Variants in QKI observed in about 807,000 individuals in gnomAD.
The protein encoded by QKI is QKI, KH domain containing RNA binding.
In QKI, 10 loss-of-function variants were observed where a neutral mutation model predicts 39.0. The ratio of observed to expected loss-of-function variants is 0.26; its 90% CI spans 0.16 to 0.43. The LOEUF (loss-of-function observed/expected upper bound fraction) is 0.43, where lower values mean the gene tolerates loss of function less well. Among genes scored for constraint, QKI ranks in the 20% least tolerant of loss-of-function variants. The pLI is 1.00. For synonymous variants in QKI, 204 were observed against 155.4 expected (o/e 1.31, Z -2.33); for missense variants, 218 against 428.0 (o/e 0.51, Z 4.33).
At chr6:163,530,758 A>G (rs1275837775) in intron 3 of QKI, among the ~76,000 whole-genome samples, 1 of 152,058 alleles carries the variant, frequency 6.6e-6, no homozygotes, top group Non-Finnish European at 1.5e-5. Context: ...CCCCCTCCAA[A>G]ACACTAAAAG....
intron 1 of QKI, among the ~76,000 whole-genome samples, chr6:163,442,372 G>T (rs1222383265): frequency 6.6e-6 from 1 of 152,128 alleles, no homozygotes; most frequent in Non-Finnish European, 1.5e-5. Flanking sequence ...CATGAACAGG[G>T]ATCTCTTTGG....
At chr6:163,467,050 AAAAAT>A (rs1353739943) in intron 2 of QKI, among the ~76,000 whole-genome samples, 2 of 152,154 alleles carry the variant, frequency 1.3e-5, no homozygotes, top group African/African-American at 4.8e-5. Flanking sequence ...AAAAAAAAAA[AAAAAT>A]GACATCACCC....
At chr6:163,478,449 A>T (rs753701746) in intron 2 of QKI, among the ~76,000 whole-genome samples, 10 of 152,222 alleles carry the variant, frequency 6.6e-5, no homozygotes, top group Non-Finnish European at 1.3e-4. Context: ...AGGGACTTGT[A>T]TTCTTGGCTG....
chr6:163,528,446 T>C (rs1014561640), intron 3 of QKI, among the ~76,000 whole-genome samples: 1 of 152,144 alleles, frequency 6.6e-6, no homozygotes, highest in African/African-American at 2.4e-5. Flanking sequence ...TGGCTAGGTA[T>C]GGTAGCTTGG....
At chr6:163,456,462 G>A (rs1402019430) in intron 2 of QKI, among the ~76,000 whole-genome samples, 2 of 151,998 alleles carry the variant, frequency 1.3e-5, no homozygotes, top group African/African-American at 4.8e-5. Context: ...AGTTTCAGAG[G>A]ACTTTTATGA....
chr6:163,456,080 G>A (rs1790886847), intron 2 of QKI, among the ~76,000 whole-genome samples: 1 of 152,104 alleles, frequency 6.6e-6, no homozygotes, highest in Non-Finnish European at 1.5e-5. Flanking sequence ...TTTAGAATAA[G>A]TCAAGTCTAT....
intron 2 of QKI, among the ~76,000 whole-genome samples, chr6:163,461,849 G>T (rs1791377169): frequency 1.3e-5 from 2 of 152,186 alleles, no homozygotes; most frequent in South Asian, 4.1e-4. Flanking sequence ...TGTCACACAT[G>T]AAATGGGCTA....
intron 3 of QKI, among the ~76,000 whole-genome samples, chr6:163,505,900 C>T (rs1779064603): frequency 6.6e-6 from 1 of 152,062 alleles, no homozygotes. Context: ...TCTGTGTCTC[C>T]ACCCAAATCT....
chr6:163,474,318 C>T (rs1461867702), intron 2 of QKI, among the ~76,000 whole-genome samples: 1 of 151,786 alleles, frequency 6.6e-6, no homozygotes, highest in Non-Finnish European at 1.5e-5. Flanking sequence ...CTGACCAGTA[C>T]TGTAAGGATA....
At chr6:163,540,366 C>T (rs1781437658) in intron 4 of QKI, among the ~76,000 whole-genome samples, 3 of 152,060 alleles carry the variant, frequency 2.0e-5, no homozygotes, top group African/African-American at 4.8e-5. Flanking sequence ...ATTGTACTTC[C>T]TTCTCTTTGT....
intron 3 of QKI, among the ~76,000 whole-genome samples, chr6:163,489,754 ATT>A (rs1777935459): frequency 1.3e-5 from 2 of 152,120 alleles, no homozygotes. Context: ...AATAGGAATT[ATT>A]TCATTTTATT....
intron 3 of QKI, among the ~76,000 whole-genome samples, chr6:163,479,356 C>A (rs1049033553): frequency 6.6e-6 from 1 of 152,104 alleles, no homozygotes; most frequent in Admixed American, 6.6e-5. Flanking sequence ...CATGATTTTC[C>A]CTTGTTTTTC....
intron 2 of QKI, among the ~76,000 whole-genome samples, chr6:163,458,526 T>C (rs1357828421): frequency 6.6e-6 from 1 of 152,232 alleles, no homozygotes; most frequent in Non-Finnish European, 1.5e-5. Context: ...AAACTTTTCT[T>C]TTTCTTTAAA....
At chr6:163,547,046 TC>T (rs1781927184) in intron 4 of QKI, among the ~76,000 whole-genome samples, 1 of 152,156 alleles carries the variant, frequency 6.6e-6, no homozygotes, top group Non-Finnish European at 1.5e-5. Flanking sequence ...TTAGTAACCT[TC>T]TTTGTAGAAT....
At chr6:163,502,543 CT>C (rs1778838731) in intron 3 of QKI, among the ~76,000 whole-genome samples, 1 of 152,116 alleles carries the variant, frequency 6.6e-6, no homozygotes, top group African/African-American at 2.4e-5. Flanking sequence ...GTTTATCCCC[CT>C]GCCCCCCACC....
At chr6:163,518,192 T>G (rs1256152845) in intron 3 of QKI, among the ~76,000 whole-genome samples, 2 of 152,206 alleles carry the variant, frequency 1.3e-5, no homozygotes, top group Non-Finnish European at 2.9e-5. Context: ...TAGGGAAATC[T>G]TGTTTTTCAG....
chr6:163,465,626 C>CAAAAAAAAAAAAAAAA (rs35130458), intron 2 of QKI, among the ~76,000 whole-genome samples: 1 of 95,770 alleles, frequency 1.0e-5, no homozygotes, highest in Non-Finnish European at 2.3e-5. Context: ...AAGACTGTCT[C>CAAAAAAAAAAAAAAAA]AAAAAAAAAA....
chr6:163,538,579 C>A (rs1448062043), intron 4 of QKI, among the ~76,000 whole-genome samples: 2 of 151,918 alleles, frequency 1.3e-5, no homozygotes, highest in African/African-American at 4.8e-5. Context: ...GGTTTTAGTC[C>A]GAGATGAGAA....
chr6:163,549,638 G>T (rs1279314231), intron 4 of QKI, among the ~76,000 whole-genome samples: 1 of 152,196 alleles, frequency 6.6e-6, no homozygotes, highest in Admixed American at 6.5e-5. Context: ...TTTGAACCCA[G>T]GAGGTGGAGG....
Sources: allele counts gnomAD v4.1 joint callset (sites outside exome capture counted in the v4.1 genomes callset), GRCh38; gene constraint gnomAD v4.1.1; transcripts MANE v1.5; gene names NCBI Gene and HGNC (gene_info 2026-07-23, HGNC 2026-07-21).